Variants in GFM1 observed in about 807,000 individuals in gnomAD.
GFM1 encodes the protein elongation factor G, mitochondrial.
GFM1 carries 62 observed loss-of-function variants against 96.2 expected under a neutral mutation model. The observed-to-expected ratio is 0.64, with a 90% CI of 0.53 to 0.80. The LOEUF is 0.80. GFM1 is among the 30% of genes least tolerant of loss of function. The pLI, the probability that GFM1 is intolerant of heterozygous loss-of-function variation, is 0.00. For synonymous variants in GFM1, 282 were observed against 312.9 expected, an observed-to-expected ratio of 0.90 and a Z score of 1.04; for missense variants, 852 against 916.6, an observed-to-expected ratio of 0.93 and a Z score of 0.91.
rs886724617 is a variant in GFM1, at chr3:158,686,961, G to A, written c.1909+2293G>A. Among the ~76,000 whole-genome samples the A allele has an allele frequency of 4.6e-5, 7 of 151,622 alleles. No individual in the cohort carries two copies. The East Asian group carries it at 5.8e-4, about 13-fold the overall frequency. ...TTGACCAGGGTGGTCTTGAACTCCC[G>A]ACATCAAGTAATCCACCCACCTTGG... On this transcript the variant is annotated intron_variant, in intron 15 of 17. Coordinates refer to ENST00000486715, the MANE Select transcript of GFM1 (RefSeq NM_024996.7).
intron 8 of GFM1, among the ~76,000 whole-genome samples, chr3:158,658,179 T>TTTTTC (rs1156907461): frequency 7.8e-6 from 1 of 128,548 alleles, no homozygotes; most frequent in African/African-American, 2.6e-5. Flanking sequence ...TTTTTTTTTT[T>TTTTTC]TGAGACAGAG....
chr3:158,671,505 G>A (rs573543430), intron 13 of GFM1, among the ~76,000 whole-genome samples: 1 of 152,312 alleles, frequency 6.6e-6, no homozygotes, highest in South Asian at 2.1e-4. Flanking sequence ...ATACATTAGT[G>A]AAACTGCAAA....
Position 158,666,814 on chromosome 3 carries a change from G to A in GFM1, c.1601+428G>A, listed in dbSNP as rs1723739169. On this transcript the variant is annotated intron_variant, in intron 13 of 17. Coordinates refer to ENST00000486715, the MANE Select transcript of GFM1 (RefSeq NM_024996.7). ...TTTAGGAAAACGTAGTTGGGTTTAT[G>A]TTTTGTTAGAGATAAAACAGTCTTC... 7 of 1,497,660 alleles carry A rather than the reference G, an allele frequency of 4.7e-6. No individual in the cohort carries two copies. In the Admixed American group the frequency reaches 1.2e-4, roughly 27 times the overall value. 92.8% of individuals were successfully genotyped at this position (1,497,660 alleles called of 1,614,324 possible).
chr3:158,648,914 G>A, intron 4 of GFM1, 127 bp from the exon 5 acceptor site: 1 of 682,546 alleles, frequency 1.5e-6, no homozygotes. Flanking sequence ...TTTCTGTTCT[G>A]ACCTGATGGT....
At chr3:158,650,719 C>T (rs985984661) in intron 5 of GFM1, 2 of 152,242 alleles carry the variant, frequency 1.3e-5, no homozygotes, top group African/African-American at 4.8e-5. Context: ...TATTAATTTC[C>T]ATTTTTAAAG....
chr3:158,651,536 G>A (rs930105965), intron 5 of GFM1, among the ~76,000 whole-genome samples: 6 of 152,126 alleles, frequency 3.9e-5, no homozygotes, highest in South Asian at 2.1e-4. Context: ...TTAGTTTAGC[G>A]CTTACTGCAT....
intron 4 of GFM1, among the ~76,000 whole-genome samples, chr3:158,648,364 A>C (rs1314592325): frequency 6.6e-6 from 1 of 152,148 alleles, no homozygotes; most frequent in African/African-American, 2.4e-5. Context: ...GATTCTTGCC[A>C]GTGAATGCAG....
At chr3:158,679,223 C>T (rs951035321) in intron 13 of GFM1, among the ~76,000 whole-genome samples, 2 of 152,152 alleles carry the variant, frequency 1.3e-5, no homozygotes, top group African/African-American at 4.8e-5. Flanking sequence ...TTTGTTTAGA[C>T]ATAATGCTAT....
intron 6 of GFM1, 135 bp downstream of exon 6, chr3:158,652,381 T>A: frequency 1.3e-6 from 1 of 766,398 alleles, no homozygotes; most frequent in Non-Finnish European, 2.1e-6. Flanking sequence ...ATAATTGGCT[T>A]CCTCAAAAAA....
At chr3:158,645,818 C>G in intron 2 of GFM1, 37 bp downstream of exon 2, 5 of 1,539,986 alleles carry the variant, frequency 3.2e-6, no homozygotes, top group Non-Finnish European at 4.5e-6. Flanking sequence ...TAATTAGAAC[C>G]AGATTTTAAT....
intron 13 of GFM1, 73 bp downstream of exon 13, chr3:158,666,459 T>A: frequency 7.7e-7 from 1 of 1,300,904 alleles, no homozygotes; most frequent in Non-Finnish European, 1.1e-6. Context: ...CATACCACTA[T>A]TACTGTTTTA....
At chr3:158,690,030 G>T in intron 15 of GFM1, 133 bp from the exon 16 acceptor site, 1 of 743,368 alleles carries the variant, frequency 1.3e-6, no homozygotes, top group East Asian at 2.6e-5. Context: ...AATGAGTCTA[G>T]GTCGAATATT....
At chr3:158,675,285 C>CAAAA (rs1172885215) in intron 13 of GFM1, among the ~76,000 whole-genome samples, 5 of 52,666 alleles carry the variant, frequency 9.5e-5, no homozygotes, top group East Asian at 1.8e-3. Flanking sequence ...GACTCCATCT[C>CAAAA]AAAAAAAAAA....
chr3:158,663,688 A>C (rs780239671), intron 11 of GFM1, among the ~76,000 whole-genome samples: 1 of 152,194 alleles, frequency 6.6e-6, no homozygotes, highest in Non-Finnish European at 1.5e-5. Flanking sequence ...GAAGTATGCA[A>C]GGTTAGAACT....
chr3:158,676,609 T>G (rs1724915276), intron 13 of GFM1, among the ~76,000 whole-genome samples: 1 of 152,096 alleles, frequency 6.6e-6, no homozygotes, highest in South Asian at 2.1e-4. Context: ...TTATTCAACT[T>G]TATTGTGTTT....
At position 158,691,375 on chromosome 3, in the gene GFM1, C is replaced by T. The variant is rs1726304994; in HGVS notation, c.2164C>T (p.Pro722Ser). The change falls in exon 18 of 18, where the codon CCA (proline) becomes TCA (serine). Residue 722 changes from proline to serine, a missense_variant. By Grantham distance (74) the Pro-to-Ser change is moderately conservative. Transcript: ENST00000486715. Reference sequence around the variant, plus strand: ...CACAATGGAGTATAGCAGGTATCAGCCATGTTTACCATCCACACAAGAAGA... The same window carrying T: ...CACAATGGAGTATAGCAGGTATCAGTCATGTTTACCATCCACACAAGAAGA... The part of the protein sequence containing the change: ...EYTMEYSRYQ[P>S]CLPSTQEDVI... 2 of 1,613,618 alleles carry T rather than the reference C, an allele frequency of 1.2e-6. No individual in the cohort carries two copies. Among genetic ancestry groups the T allele is most frequent in the East Asian group, 4.5e-5 (2 of 44,824 alleles).
chr3:158,671,158 T>C (rs1041900194), intron 13 of GFM1: 2 of 1,192,518 alleles, frequency 1.7e-6, no homozygotes, highest in South Asian at 2.9e-5. Context: ...GAAAAAGGCA[T>C]GTCACCATGA....
At chr3:158,666,501 A>G in intron 13 of GFM1, 115 bp downstream of exon 13, 1 of 1,123,120 alleles carries the variant, frequency 8.9e-7, no homozygotes. Context: ...ACTTTGTATT[A>G]TGGACTCTAT....
intron 13 of GFM1, among the ~76,000 whole-genome samples, chr3:158,677,870 A>T (rs965082696): frequency 1.3e-5 from 2 of 152,200 alleles, no homozygotes; most frequent in African/African-American, 2.4e-5. Flanking sequence ...TGTGACTTTC[A>T]TAGCTGGAGA....
Sources: allele counts gnomAD v4.1 joint callset (sites outside exome capture counted in the v4.1 genomes callset), GRCh38; gene constraint gnomAD v4.1.1; transcripts MANE v1.5; gene names NCBI Gene and HGNC (gene_info 2026-07-23, HGNC 2026-07-21).